The following RHBDL3 variants were observed in gnomAD, a reference collection of about 807,000 sequenced individuals.
RHBDL3 encodes rhomboid like 3, also known as rhomboid-related protein 3.
In RHBDL3, 28 loss-of-function variants were observed where a neutral mutation model predicts 48.2. That is an observed-to-expected ratio of 0.58 (90% CI 0.43 to 0.80). The LOEUF (loss-of-function observed/expected upper bound fraction) is 0.80, where lower values mean the gene tolerates loss of function less well. Among genes scored for constraint, RHBDL3 ranks in the 30% least tolerant of loss-of-function variants. The pLI is 0.00. For synonymous variants in RHBDL3, 208 were observed against 232.3 expected, an observed-to-expected ratio of 0.90 and a Z score of 0.95; for missense variants, 464 against 542.7, an observed-to-expected ratio of 0.85 and a Z score of 1.44.
At chr17:32,267,768 G>A in intron 1 of RHBDL3, 134 bp from the exon 2 acceptor site, 1 of 1,530,294 alleles carries the variant, frequency 6.5e-7, no homozygotes, top group Non-Finnish European at 8.8e-7. Context: ...CAGTCCCTGA[G>A]CCTGGTCATG....
chr17:32,283,469 G>A (rs566803279), intron 2 of RHBDL3, among the ~76,000 whole-genome samples: 12 of 151,676 alleles, frequency 7.9e-5, no homozygotes, highest in South Asian at 4.2e-4. Context: ...GACTACAGGC[G>A]CACACCACCA....
Position 32,317,062 on chromosome 17 carries a change from G to A in RHBDL3, c.943+770G>A, listed in dbSNP as rs145065769. ...ACTTTTTTGTATTTTTTGTAAAGAC[G>A]GGGTTTCACCATGTTGGCCAGGCTG... On this transcript the variant is annotated intron_variant, in intron 8 of 8. Coordinates refer to ENST00000269051, the MANE Select transcript of RHBDL3 (RefSeq NM_138328.3). 2.6e-4 allele frequency among the ~76,000 whole-genome samples: 40 copies of A among 151,746 alleles called. No individual in the cohort carries two copies. In the East Asian group the frequency reaches 7.2e-3, roughly 27 times the overall value.
At chr17:32,281,191 G>C (rs1325649428) in intron 2 of RHBDL3, among the ~76,000 whole-genome samples, 2 of 152,160 alleles carry the variant, frequency 1.3e-5, no homozygotes, top group African/African-American at 4.8e-5. Context: ...GCTTGGGGCA[G>C]GGCAGGCAGG....
At chr17:32,320,659 C>T (rs543691086) in intron 8 of RHBDL3, among the ~76,000 whole-genome samples, 1 of 152,346 alleles carries the variant, frequency 6.6e-6, no homozygotes, top group South Asian at 2.1e-4. Flanking sequence ...TGCGTGACTC[C>T]CCGGGCTAAA....
chr17:32,266,343 CG>C (rs774371122), intron 1 of RHBDL3, 43 bp downstream of exon 1: 134 of 1,131,322 alleles, frequency 1.2e-4, no homozygotes, highest in South Asian at 4.0e-4. Context: ...TAGGGGGCGC[CG>C]GGGGGAAAAG....
At chr17:32,316,120 T>C in intron 7 of RHBDL3, 112 bp from the exon 8 acceptor site, 1 of 765,968 alleles carries the variant, frequency 1.3e-6, no homozygotes, top group South Asian at 1.6e-5. Context: ...CACAACCCTC[T>C]CATTCAGGAC....
chr17:32,316,603 C>T (rs1446150756), intron 8 of RHBDL3, among the ~76,000 whole-genome samples: 1 of 152,056 alleles, frequency 6.6e-6, no homozygotes, highest in East Asian at 1.9e-4. Context: ...CAGCATCAGA[C>T]TCCTGCCTGG....
At chr17:32,319,652 G>A (rs1455595303) in intron 8 of RHBDL3, among the ~76,000 whole-genome samples, 1 of 152,128 alleles carries the variant, frequency 6.6e-6, no homozygotes, top group Non-Finnish European at 1.5e-5. Context: ...GCAGGGCTCA[G>A]CCCAGAAGGC....
intron 3 of RHBDL3, among the ~76,000 whole-genome samples, chr17:32,286,536 T>C (rs1268901839): frequency 6.6e-6 from 1 of 152,194 alleles, no homozygotes; most frequent in South Asian, 2.1e-4. Flanking sequence ...ATTTGTAGAA[T>C]AGATCCAAAG....
chr17:32,278,347 CAG>C (rs2039961963), intron 2 of RHBDL3, among the ~76,000 whole-genome samples: 1 of 152,112 alleles, frequency 6.6e-6, no homozygotes, highest in South Asian at 2.1e-4. Flanking sequence ...CCGAACAAGA[CAG>C]AGAAAAACAA....
At chr17:32,293,162 G>A (rs1366835893) in intron 4 of RHBDL3, among the ~76,000 whole-genome samples, 2 of 147,612 alleles carry the variant, frequency 1.4e-5, no homozygotes, top group Admixed American at 6.8e-5. Context: ...TGGTTGCCAG[G>A]GGCTGGAGGG....
chr17:32,292,184 A>T (rs527544773), intron 4 of RHBDL3, among the ~76,000 whole-genome samples: 4 of 152,214 alleles, frequency 2.6e-5, no homozygotes, highest in African/African-American at 9.6e-5. Context: ...ATACCCTTTT[A>T]GAGATTAAAC....
intron 6 of RHBDL3, among the ~76,000 whole-genome samples, chr17:32,298,455 A>G (rs1166207677): frequency 6.6e-6 from 1 of 152,214 alleles, no homozygotes; most frequent in Non-Finnish European, 1.5e-5. Flanking sequence ...AGGCTGGACA[A>G]CCGACTCTCG....
At chr17:32,309,219 A>T (rs2040783067) in intron 7 of RHBDL3, among the ~76,000 whole-genome samples, 1 of 150,514 alleles carries the variant, frequency 6.6e-6, no homozygotes, top group Non-Finnish European at 1.5e-5. Flanking sequence ...TGTGTGTGAG[A>T]TACACAGTAA....
intron 2 of RHBDL3, among the ~76,000 whole-genome samples, chr17:32,281,185 G>GGGGCA (rs2040033831): frequency 6.6e-6 from 1 of 152,070 alleles, no homozygotes; most frequent in Admixed American, 6.5e-5. Context: ...TACTATGCTT[G>GGGGCA]GGGCAGGGCA....
At chr17:32,266,682 G>A (rs944195384) in intron 1 of RHBDL3, among the ~76,000 whole-genome samples, 22 of 152,208 alleles carry the variant, frequency 1.4e-4, no homozygotes, top group Non-Finnish European at 8.8e-5. Context: ...CGGAGCTGGG[G>A]AAGGAGCGGA....
At chr17:32,283,471 A>T (rs58764148) in intron 2 of RHBDL3, among the ~76,000 whole-genome samples, 1 of 151,208 alleles carries the variant, frequency 6.6e-6, no homozygotes, top group Non-Finnish European at 1.5e-5. Flanking sequence ...CTACAGGCGC[A>T]CACCACCACG....
intron 7 of RHBDL3, among the ~76,000 whole-genome samples, chr17:32,313,756 T>C (rs1221663704): frequency 9.6e-6 from 1 of 103,658 alleles, no homozygotes; most frequent in East Asian, 2.2e-4. Context: ...CCTCCCTTTT[T>C]TTTTTTTTTT....
rs866126236 is a variant in RHBDL3, at chr17:32,298,007, C to T, written c.669-85C>T. 9 of 992,098 alleles carry T rather than the reference C, an allele frequency of 9.1e-6. No homozygotes were observed. The Middle Eastern group carries it at 1.5e-3, about 167-fold the overall frequency. The allele number at this position is 992,098 out of a possible 1,614,324, so 61.5% of individuals were successfully genotyped here. Reference sequence around the variant, plus strand: ...TTGTTCATTGCTGGATCCCTGGCATCTTGGGGGATGCAGGTGTTTGTTGAA... The same window carrying T: ...TTGTTCATTGCTGGATCCCTGGCATTTTGGGGGATGCAGGTGTTTGTTGAA... On this transcript the variant is annotated intron_variant, in intron 5 of 8. Transcript: ENST00000269051.
Sources: gnomAD v4.1 joint callset for allele counts (sites outside exome capture counted in the v4.1 genomes callset) on GRCh38, gnomAD v4.1.1 for gene constraint, MANE v1.5 for transcripts, NCBI Gene and HGNC (gene_info 2026-07-23, HGNC 2026-07-21) for gene names.